NRG1: variants seen among roughly 807,000 people sequenced by gnomAD.
NRG1 encodes pro-neuregulin-1, membrane-bound isoform.
NRG1 carries 18 observed loss-of-function variants against 63.8 expected under a neutral mutation model. The ratio of observed to expected loss-of-function variants is 0.28; its 90% CI spans 0.19 to 0.42. The LOEUF is 0.42. NRG1 is among the 10% of genes least tolerant of loss of function. The pLI, the probability that NRG1 is intolerant of heterozygous loss-of-function variation, is 1.00. For synonymous variants in NRG1, 302 were observed against 301.3 expected (o/e 1.00, Z -0.02); for missense variants, 762 against 814.7 (o/e 0.94, Z 0.79).
At chr8:31,776,913 A>G (rs192795241) in intron 1 of NRG1, among the ~76,000 whole-genome samples, 208 of 152,246 alleles carry the variant, frequency 1.4e-3, no homozygotes, top group African/African-American at 4.6e-3. Context: ...TCTGGAGAGG[A>G]TGTGGAGAAA....
At chr8:32,668,056 T>A (rs2017212) in intron 5 of NRG1, among the ~76,000 whole-genome samples, 1 of 151,830 alleles carries the variant, frequency 6.6e-6, no homozygotes, top group Non-Finnish European at 1.5e-5. Flanking sequence ...CTGCTAAAGA[T>A]ACAAAAATTA....
intron 7 of NRG1, among the ~76,000 whole-genome samples, chr8:32,773,148 G>T (rs1280231292): frequency 6.6e-6 from 1 of 152,176 alleles, no homozygotes; most frequent in African/African-American, 2.4e-5. Context: ...TAGAGAAATT[G>T]TATTGAACTA....
intron 1 of NRG1, among the ~76,000 whole-genome samples, chr8:32,579,431 T>C (rs999538844): frequency 4.6e-5 from 7 of 152,118 alleles, no homozygotes; most frequent in Non-Finnish European, 1.0e-4. Context: ...AGAAGGGTTG[T>C]CTGGGTCACA....
At chr8:32,693,451 T>C (rs34743843) in intron 5 of NRG1, among the ~76,000 whole-genome samples, 47,420 of 151,356 alleles carry the variant, frequency 0.31, 7,860 homozygotes, top group Non-Finnish European at 0.35. Flanking sequence ...CTCCTGACCT[T>C]GTGATCCGCC....
At chr8:32,748,356 C>CAGAG (rs1194142025) in intron 7 of NRG1, among the ~76,000 whole-genome samples, 20 of 81,002 alleles carry the variant, frequency 2.5e-4, no homozygotes, top group Non-Finnish European at 4.7e-4. Context: ...CACACACACA[C>CAGAG]ACAGAGAGAG....
chr8:31,761,322 G>A (rs1422898180), intron 1 of NRG1, among the ~76,000 whole-genome samples: 1 of 152,050 alleles, frequency 6.6e-6, no homozygotes, highest in Non-Finnish European at 1.5e-5. Context: ...GGAGTGGGGA[G>A]GGATAGCATT....
chr8:32,370,169 GT>G (rs1305126089), intron 1 of NRG1, among the ~76,000 whole-genome samples: 1 of 152,168 alleles, frequency 6.6e-6, no homozygotes, highest in Non-Finnish European at 1.5e-5. Flanking sequence ...AGTATGATTT[GT>G]TTTTTCCTAA....
intron 1 of NRG1, among the ~76,000 whole-genome samples, chr8:32,417,830 C>T (rs1037623739): frequency 6.6e-6 from 1 of 152,028 alleles, no homozygotes; most frequent in Non-Finnish European, 1.5e-5. Context: ...GATGCCAGTC[C>T]GCATAGGACT....
chr8:31,764,180 T>C (rs545079830), intron 1 of NRG1, among the ~76,000 whole-genome samples: 2 of 152,090 alleles, frequency 1.3e-5, no homozygotes, highest in East Asian at 3.9e-4. Context: ...TTTAATCAAC[T>C]TTTTTGAGAT....
chr8:32,100,543 C>CTT (rs537359314), intron 1 of NRG1, among the ~76,000 whole-genome samples: 2 of 145,838 alleles, frequency 1.4e-5, no homozygotes, highest in Admixed American at 6.9e-5. Context: ...CAGCACAATA[C>CTT]TTTTTTTTTT....
intron 1 of NRG1, among the ~76,000 whole-genome samples, chr8:32,117,897 G>A (rs1248435732): frequency 6.6e-6 from 1 of 152,054 alleles, no homozygotes; most frequent in African/African-American, 2.4e-5. Context: ...AGGAAACCTT[G>A]CACATTCTTT....
chr8:32,699,543 C>T (rs976518376), intron 5 of NRG1, among the ~76,000 whole-genome samples: 2 of 152,118 alleles, frequency 1.3e-5, no homozygotes, highest in Non-Finnish European at 2.9e-5. Flanking sequence ...TGAACTTAGT[C>T]AAATGCAGAT....
chr8:31,932,659 A>G (rs889050485), intron 1 of NRG1, among the ~76,000 whole-genome samples: 3 of 152,082 alleles, frequency 2.0e-5, no homozygotes, highest in African/African-American at 7.2e-5. Context: ...TTTGTATTTT[A>G]CCCCCTTAAA....
chr8:32,265,702 G>A (rs1450091580), intron 1 of NRG1, among the ~76,000 whole-genome samples: 1 of 151,910 alleles, frequency 6.6e-6, no homozygotes, highest in Non-Finnish European at 1.5e-5. Context: ...AATTAGCTGG[G>A]TTTGGTGGCA....
chr8:31,787,113 T>G (rs1820248594), intron 1 of NRG1, among the ~76,000 whole-genome samples: 1 of 152,188 alleles, frequency 6.6e-6, no homozygotes, highest in African/African-American at 2.4e-5. Flanking sequence ...ATTTTCAGTG[T>G]GGTACCCCAG....
intron 1 of NRG1, among the ~76,000 whole-genome samples, chr8:32,354,859 A>T (rs1203297674): frequency 6.6e-6 from 1 of 151,432 alleles, no homozygotes; most frequent in Non-Finnish European, 1.5e-5. Context: ...AAAAGTCTAG[A>T]ACACCAAATA....
At chr8:31,988,674 A>G (rs1371344931) in intron 1 of NRG1, among the ~76,000 whole-genome samples, 1 of 152,108 alleles carries the variant, frequency 6.6e-6, no homozygotes, top group Non-Finnish European at 1.5e-5. Flanking sequence ...TAATACATAC[A>G]TAGCAAAGAA....
At chr8:32,006,917 G>T (rs902460663) in intron 1 of NRG1, among the ~76,000 whole-genome samples, 4 of 151,994 alleles carry the variant, frequency 2.6e-5, no homozygotes, top group African/African-American at 9.7e-5. Context: ...TTAAGCCATT[G>T]AGCTCTGGTA....
At chr8:32,037,565 C>G (rs1316695221) in intron 1 of NRG1, among the ~76,000 whole-genome samples, 1 of 152,220 alleles carries the variant, frequency 6.6e-6, no homozygotes. Context: ...GCAGCCGCCC[C>G]TCCTCCTATG....
Sources: gnomAD v4.1 joint callset for allele counts (sites outside exome capture counted in the v4.1 genomes callset) on GRCh38, gnomAD v4.1.1 for gene constraint, MANE v1.5 for transcripts, NCBI Gene and HGNC (gene_info 2026-07-23, HGNC 2026-07-21) for gene names.